The following PAK3 variants were observed in gnomAD, a reference collection of about 807,000 sequenced individuals.
PAK3 encodes the protein p21 (RAC1) activated kinase 3, also known as serine/threonine-protein kinase PAK 3.
Under a neutral mutation model 41.0 loss-of-function variants are expected in PAK3, and 4 were observed. The observed-to-expected ratio is 0.10, with a 90% CI of 0.05 to 0.22. The LOEUF (loss-of-function observed/expected upper bound fraction) is 0.22, where lower values mean the gene tolerates loss of function less well. Among genes scored for constraint, PAK3 ranks in the 10% least tolerant of loss-of-function variants. PAK3 has a pLI of 1.00. For missense variants in PAK3, 205 were observed against 409.9 expected, an observed-to-expected ratio of 0.50 and a Z score of 4.32; for synonymous variants, 146 against 139.6, an observed-to-expected ratio of 1.05 and a Z score of -0.32.
chrX:111,055,220 G>A (rs1393368400), intron 1 of PAK3, among the ~76,000 whole-genome samples: 2 of 111,974 alleles, frequency 1.8e-5, no homozygotes, highest in Non-Finnish European at 3.8e-5. Context: ...TACCAATCCT[G>A]CACACCATGA....
chrX:111,038,855 T>A (rs1007401989), intron 1 of PAK3, among the ~76,000 whole-genome samples: 2 of 111,998 alleles, frequency 1.8e-5, no homozygotes, highest in Non-Finnish European at 3.8e-5. Context: ...TAGATAAAAA[T>A]AAGAGCTAAT....
chrX:110,990,857 G>C (rs2091630277), intron 1 of PAK3, among the ~76,000 whole-genome samples: 1 of 110,830 alleles, frequency 9.0e-6, no homozygotes, highest in Admixed American at 9.6e-5. Flanking sequence ...GCCAGGCACG[G>C]TGGTTCATGC....
At chrX:111,144,928 A>G (rs1167944926) in intron 6 of PAK3, 2 of 1,004,988 alleles carry the variant, frequency 2.0e-6, no homozygotes, top group Non-Finnish European at 2.8e-6. Context: ...AAATGGTATG[A>G]GTGATATAAA....
intron 1 of PAK3, among the ~76,000 whole-genome samples, chrX:110,976,882 C>G (rs2091345051): frequency 9.2e-6 from 1 of 108,124 alleles, no homozygotes; most frequent in South Asian, 4.3e-4. Context: ...ATCACATGTT[C>G]TCACTCATAG....
intron 1 of PAK3, among the ~76,000 whole-genome samples, chrX:110,983,529 C>CAT (rs1556421266): frequency 8.0e-5 from 8 of 100,297 alleles, no homozygotes; most frequent in South Asian, 4.9e-4. Context: ...TGTATGTCTG[C>CAT]GTGTGTGTGT....
chrX:110,999,177 A>G (rs998643943), intron 1 of PAK3, among the ~76,000 whole-genome samples: 1 of 111,903 alleles, frequency 8.9e-6, no homozygotes, highest in African/African-American at 3.2e-5. Flanking sequence ...GGTGAGACAC[A>G]TGCTGCACTG....
intron 1 of PAK3, among the ~76,000 whole-genome samples, chrX:110,947,560 G>A (rs1602496166): frequency 9.0e-6 from 1 of 111,610 alleles, no homozygotes; most frequent in African/African-American, 3.3e-5. Context: ...AGGGTTTTGT[G>A]GTCAAGTTAA....
intron 5 of PAK3, among the ~76,000 whole-genome samples, chrX:111,140,749 A>G (rs1408045438): frequency 1.8e-5 from 2 of 111,626 alleles, no homozygotes; most frequent in African/African-American, 3.3e-5. Context: ...CTGATCCTGT[A>G]TAGTTCCTCT....
chrX:111,162,779 T>C, intron 8 of PAK3, 136 bp from the exon 9 acceptor site: 1 of 603,465 alleles, frequency 1.7e-6, no homozygotes, highest in Non-Finnish European at 2.8e-6. Flanking sequence ...AAATTGTTGA[T>C]GATTCTGATC....
At chrX:111,006,849 C>CTTTCTTTCTTTCTTTCTTTCTTTCTTTT (rs1556434441) in intron 1 of PAK3, among the ~76,000 whole-genome samples, 7 of 42,690 alleles carry the variant, frequency 1.6e-4, no homozygotes, top group Admixed American at 3.8e-4. Context: ...TTCTTTCTTT[C>CTTTCTTTCTTTCTTTCTTTCTTTCTTTT]TTTTTTTTTT....
intron 4 of PAK3, among the ~76,000 whole-genome samples, chrX:111,122,178 C>A (rs1234780298): frequency 2.0e-5 from 2 of 101,346 alleles, no homozygotes; most frequent in East Asian, 6.1e-4. Flanking sequence ...ATGGCATGAA[C>A]CTGGGAGGTG....
chrX:111,082,150 G>A (rs2092840030), intron 1 of PAK3, among the ~76,000 whole-genome samples: 1 of 112,083 alleles, frequency 8.9e-6, no homozygotes, highest in African/African-American at 3.2e-5. Context: ...CAGTAACTGA[G>A]CAACTGCTTG....
chrX:111,160,959 A>C (rs1406903937), intron 8 of PAK3, among the ~76,000 whole-genome samples: 1 of 112,594 alleles, frequency 8.9e-6, no homozygotes, highest in Non-Finnish European at 1.9e-5. Flanking sequence ...AGCATGATTT[A>C]TAATCCTTTG....
intron 1 of PAK3, among the ~76,000 whole-genome samples, chrX:110,963,944 T>G (rs185248491): frequency 8.9e-6 from 1 of 112,277 alleles, no homozygotes; most frequent in East Asian, 2.8e-4. Flanking sequence ...TAAAGGAGCC[T>G]TCCTGATACA....
At chrX:110,954,183 G>A (rs1003665934) in intron 1 of PAK3, among the ~76,000 whole-genome samples, 2 of 111,655 alleles carry the variant, frequency 1.8e-5, no homozygotes, top group Non-Finnish European at 3.8e-5. Flanking sequence ...TTCCTTCTGC[G>A]CCAACTTTCA....
Position 111,163,621 on chromosome X carries a change from C to G in PAK3, c.660C>G (p.Val220=). The G allele has an allele frequency of 8.4e-7, 1 of 1,191,183 alleles. No homozygotes were observed. The highest frequency in any genetic ancestry group is 1.1e-6 in the Non-Finnish European group (1 of 877,002). ...CACCAGCAGTACCAAATAAAGAGGTCACACCACCCTCTGCTGAAAATGCCA... is the reference window on the plus strand; with the variant it reads ...CACCAGCAGTACCAAATAAAGAGGTGACACCACCCTCTGCTGAAAATGCCA... ...IASPAVPNKE[V]TPPSAENANS... The change falls in exon 10 of 18, where the codon GTC becomes GTG. Residue 220 remains valine (V), a synonymous_variant. Transcript: ENST00000372007.
At chrX:111,095,750 C>T (rs1400331433), upstream of PAK3, among the ~76,000 whole-genome samples, 2 of 111,688 alleles carry the variant, frequency 1.8e-5, no homozygotes, top group Non-Finnish European at 3.8e-5. Context: ...ACCTGCCTGG[C>T]TGACAGGTGG....
intron 1 of PAK3, among the ~76,000 whole-genome samples, chrX:111,088,424 G>C (rs1025033289): frequency 3.6e-5 from 4 of 111,723 alleles, no homozygotes; most frequent in Non-Finnish European, 7.5e-5. Flanking sequence ...CCTGGCTTTT[G>C]TCCTTGTATC....
chrX:110,998,308 A>G (rs1427195888), intron 1 of PAK3, among the ~76,000 whole-genome samples: 2 of 112,169 alleles, frequency 1.8e-5, no homozygotes, highest in Admixed American at 9.5e-5. Context: ...GAGAAGAAAG[A>G]AGAAAACCAA....
Sources: gnomAD v4.1 joint callset for allele counts (sites outside exome capture counted in the v4.1 genomes callset) on GRCh38, gnomAD v4.1.1 for gene constraint, MANE v1.5 for transcripts, NCBI Gene and HGNC (gene_info 2026-07-23, HGNC 2026-07-21) for gene names.